Variants in HEATR5A observed in about 807,000 individuals in gnomAD.
The protein encoded by HEATR5A is HEAT repeat containing 5A.
A neutral mutation model predicts 218.8 loss-of-function variants in HEATR5A; 178 were observed. The ratio of observed to expected loss-of-function variants is 0.81; its 90% CI spans 0.72 to 0.92. The LOEUF (loss-of-function observed/expected upper bound fraction) is 0.92. Ranked by LOEUF, HEATR5A falls within the 40% of genes least tolerant of loss-of-function variation. The pLI, the probability that HEATR5A is intolerant of heterozygous loss-of-function variation, is 0.00. For synonymous variants in HEATR5A, 864 were observed against 871.6 expected (o/e 0.99, Z 0.15); for missense variants, 2,420 against 2,418.9 (o/e 1.00, Z -0.01).
intron 21 of HEATR5A, among the ~76,000 whole-genome samples, chr14:31,339,521 T>C (rs964357744): frequency 2.0e-5 from 3 of 151,878 alleles, no homozygotes; most frequent in African/African-American, 7.3e-5. Context: ...ATTCTACATT[T>C]TATCAGAAGC....
chr14:31,358,716 AGG>A lies in HEATR5A; in HGVS notation c.2330_2331del (p.Pro777LeufsTer9). The A allele has an allele frequency of 6.2e-7, 1 of 1,613,940 alleles. No homozygotes were observed. Among genetic ancestry groups the A allele is most frequent in the Non-Finnish European group, 8.5e-7 (1 of 1,179,842 alleles). On this transcript the variant is annotated frameshift_variant, in exon 16 of 36. Coordinates refer to ENST00000543095, the MANE Select transcript of HEATR5A (RefSeq NM_015473.4). LOFTEE classifies it high-confidence loss of function. The part of the protein sequence containing the change: ...KDVEGDSVPK[P>X]LPPALSVISS... Reference sequence around the variant, plus strand: ...CTAATAACTGATAGTGCTGGAGGTAAGGGCTTAGGCACTGAATCTCCCTCTAC... The same window carrying A: ...CTAATAACTGATAGTGCTGGAGGTAAGCTTAGGCACTGAATCTCCCTCTAC...
chr14:31,418,782 C>A (rs992453884), intron 1 of HEATR5A, among the ~76,000 whole-genome samples: 1 of 152,122 alleles, frequency 6.6e-6, no homozygotes, highest in African/African-American at 2.4e-5. Flanking sequence ...TGTCATTAAA[C>A]GCTTAATTCA....
At chr14:31,398,312 T>C (rs1262839980) in intron 4 of HEATR5A, among the ~76,000 whole-genome samples, 1 of 152,222 alleles carries the variant, frequency 6.6e-6, no homozygotes, top group Non-Finnish European at 1.5e-5. Context: ...AGGTATACAA[T>C]GTTTATCAAC....
At chr14:31,370,189 G>C (rs1595146264) in intron 13 of HEATR5A, among the ~76,000 whole-genome samples, 1 of 151,800 alleles carries the variant, frequency 6.6e-6, no homozygotes, top group African/African-American at 2.4e-5. Context: ...TTGTACCACT[G>C]CACTCCAGCC....
intron 1 of HEATR5A, among the ~76,000 whole-genome samples, chr14:31,404,240 T>C (rs566084205): frequency 7.9e-5 from 12 of 152,210 alleles, no homozygotes; most frequent in Non-Finnish European, 1.6e-4. Context: ...CTAGTGTACC[T>C]AAATAGAAAC....
Position 31,395,299 on chromosome 14 carries a change from C to T in HEATR5A, c.497G>A (p.Gly166Glu). Residue 166 changes from glycine (G) to glutamate (E), a missense_variant, in exon 5 of 36, where the codon GGA becomes GAA. By Grantham distance (98) the Gly-to-Glu change is moderately conservative. Coordinates refer to ENST00000543095, the MANE Select transcript of HEATR5A (RefSeq NM_015473.4). ...ACAAGGTGCAGCGGCAGCTCCTAGTCCATTCAATATATTTTGCAGACTTAG... is the reference window on the plus strand; with the variant it reads ...ACAAGGTGCAGCGGCAGCTCCTAGTTCATTCAATATATTTTGCAGACTTAG... ...IMLSLQNILN[G>E]LGAAAAPCHR... is the part of the protein sequence containing the mutation. The T allele has an allele frequency of 6.5e-7, 1 of 1,530,944 alleles. No individual in the cohort carries two copies. 94.8% of individuals were successfully genotyped at this position (1,530,944 alleles called of 1,614,324 possible). A position where few individuals can be genotyped will look rare whatever the true frequency, so the allele number is the denominator to read the frequency against.
At chr14:31,370,964 C>T (rs1902014353) in intron 13 of HEATR5A, among the ~76,000 whole-genome samples, 1 of 152,168 alleles carries the variant, frequency 6.6e-6, no homozygotes, top group African/African-American at 2.4e-5. Flanking sequence ...TAAAGGAAGG[C>T]ACAAAGAATG....
At chr14:31,379,576 T>TA (rs2029900446) in intron 11 of HEATR5A, among the ~76,000 whole-genome samples, 2 of 152,208 alleles carry the variant, frequency 1.3e-5, no homozygotes, top group Non-Finnish European at 2.9e-5. Context: ...TATCTAGCTA[T>TA]AACTTGTATG....
Position 31,295,965 on chromosome 14 carries a change from G to A in HEATR5A, c.5563C>T (p.Leu1855Phe), listed in dbSNP as rs1204596566. 3 of 1,613,566 alleles carry A rather than the reference G, an allele frequency of 1.9e-6. No individual in the cohort carries two copies. The change falls in exon 34 of 36, where the codon CTT becomes TTT. Residue 1855 changes from leucine to phenylalanine, a missense_variant. Leu to Phe is a conservative substitution (Grantham distance 22). Coordinates refer to ENST00000543095, the MANE Select transcript of HEATR5A (RefSeq NM_015473.4). ...AATTTATCAATACAGCGCTTCTGAA[G>A]GCATGGGATGGTAGTTACTTCTGGA... ...TSPEVTTIPC[L>F]QKRCIDKFKA...
rs148868323 is a variant in HEATR5A at position 31,307,083 on chromosome 14, G to T, written c.4819-204C>A. On this transcript the variant is annotated intron_variant, in intron 30 of 35. Transcript: ENST00000543095. ...CTCATGCCTGCAATCCCAGCACTTT[G>T]GGAGGCTGAGGTGAGTGGATTACTT... Among the ~76,000 whole-genome samples, 1,337 of 152,302 alleles carry T rather than the reference G, an allele frequency of 8.8e-3. 13 individuals are homozygous for T. The highest frequency in any genetic ancestry group is 0.03 in the African/African-American group (1,265 of 41,564).
At position 31,379,722 on chromosome 14, in the gene HEATR5A, G is replaced by C. The variant is rs138432200; in HGVS notation, c.1708+745C>G. Among the ~76,000 whole-genome samples the C allele has an allele frequency of 9.2e-5, 14 of 152,310 alleles. No individual in the cohort carries two copies. In the East Asian group the frequency reaches 2.7e-3, roughly 29 times the overall value. ...TAATGCCAACACTTTGGGAGGCCAA[G>C]GCGGAAGGACTGCTTGAGCCCACAA... On this transcript the variant is annotated intron_variant, in intron 11 of 35. Transcript: ENST00000543095.
In HEATR5A at chr14:31,326,159, T is replaced by G. The variant is rs975519291; in HGVS notation, c.3547+4A>C. 4 of 1,608,772 alleles carry G rather than the reference T, an allele frequency of 2.5e-6. No individual in the cohort carries two copies. Among genetic ancestry groups the G allele is most frequent in the East Asian group, 2.2e-5 (1 of 44,792 alleles). ...TATTTTAACTGATAATGTCCAATAC[T>G]TACCAGCTGATGCAGCAAGTACATC... On this transcript the variant is annotated splice_donor_region_variant and intron_variant, in intron 23 of 35. Coordinates refer to ENST00000543095, the MANE Select transcript of HEATR5A (RefSeq NM_015473.4).
intron 13 of HEATR5A, among the ~76,000 whole-genome samples, chr14:31,365,871 C>T (rs1460787486): frequency 6.6e-6 from 1 of 151,196 alleles, no homozygotes; most frequent in Non-Finnish European, 1.5e-5. Flanking sequence ...CACCATGTTG[C>T]CCAGGCTGGT....
intron 11 of HEATR5A, 46 bp downstream of exon 11, chr14:31,380,421 A>AT (rs1370797709): frequency 8.3e-7 from 1 of 1,200,910 alleles, no homozygotes; most frequent in South Asian, 1.3e-5. Context: ...TTCACTCAGA[A>AT]AACACAAAGT....
intron 6 of HEATR5A, among the ~76,000 whole-genome samples, chr14:31,392,767 G>C (rs894031914): frequency 5.9e-5 from 9 of 152,116 alleles, no homozygotes; most frequent in African/African-American, 1.9e-4. Context: ...GCTCAAATCA[G>C]TTGATGACAA....
At chr14:31,314,288 C>T (rs773555402) in intron 27 of HEATR5A, among the ~76,000 whole-genome samples, 35 of 151,158 alleles carry the variant, frequency 2.3e-4, no homozygotes, top group Admixed American at 6.0e-4. Flanking sequence ...GATGGAGTTT[C>T]GCTCTTGTTC....
intron 1 of HEATR5A, among the ~76,000 whole-genome samples, chr14:31,411,180 T>TATCAAAACCATTTGACAAAAAC (rs1185650258): frequency 6.6e-6 from 1 of 152,062 alleles, no homozygotes; most frequent in African/African-American, 2.4e-5. Flanking sequence ...GTTACAAAAA[T>TATCAAAACCATTTGACAAAAAC]ATCAAAACCA....
At position 31,294,063 on chromosome 14, in the gene HEATR5A, C is replaced by T. The variant is rs1315655742; in HGVS notation, c.5661G>A (p.Gln1887=). 2.5e-6 allele frequency: 4 copies of T among 1,601,408 alleles called. No homozygotes were observed. The East Asian group carries it at 6.7e-5, about 27-fold the overall frequency. The change falls in exon 35 of 36, where the codon CAG becomes CAA. Residue 1887 remains glutamine, a synonymous_variant. Transcript: ENST00000543095. ...GGTAGGAAACAGCTGGATTTGGATA[C>T]TGAAAGATGGAATGTAGGAGCTGGT... ...KTYQLLHSIF[Q]YPNPAVSYPY...
chr14:31,362,214 T>C (rs1463828588), intron 14 of HEATR5A, among the ~76,000 whole-genome samples: 3 of 152,006 alleles, frequency 2.0e-5, no homozygotes, highest in African/African-American at 7.3e-5. Flanking sequence ...AATGATCCAT[T>C]TGTCTTAGCC....
Sources: gnomAD v4.1 joint callset for allele counts (sites outside exome capture counted in the v4.1 genomes callset) on GRCh38, gnomAD v4.1.1 for gene constraint, MANE v1.5 for transcripts, NCBI Gene and HGNC (gene_info 2026-07-23, HGNC 2026-07-21) for gene names.